L3MBTL3: variants seen among roughly 807,000 people sequenced by gnomAD.
L3MBTL3 encodes the protein L3MBTL histone methyl-lysine binding protein 3.
In L3MBTL3, 27 loss-of-function variants were observed where a neutral mutation model predicts 102.3. The ratio of observed to expected loss-of-function variants is 0.26; its 90% confidence interval spans 0.19 to 0.36. The LOEUF (loss-of-function observed/expected upper bound fraction) is 0.36. Ranked by LOEUF, L3MBTL3 falls within the 10% of genes least tolerant of loss-of-function variation. L3MBTL3 has a pLI of 1.00. For missense variants in L3MBTL3, 798 were observed against 955.3 expected (o/e 0.84, Z 2.17); for synonymous variants, 340 against 320.9 (o/e 1.06, Z -0.64).
In L3MBTL3 at chr6:130,083,706, G is replaced by T; in HGVS notation, c.1407+1G>T. ...TGCTCCTGCAAGAGCTTTCAAAGTG[G>T]TAAGATGATACATTTTATTAATTTG... On this transcript the variant is annotated splice_donor_variant, in intron 15 of 22. Coordinates refer to ENST00000361794, the MANE Select transcript of L3MBTL3 (RefSeq NM_032438.4). LOFTEE classifies it high-confidence loss of function. The T allele has an allele frequency of 6.8e-7, 1 of 1,471,116 alleles. No individual in the cohort carries two copies. The highest frequency in any genetic ancestry group is 9.3e-7 in the Non-Finnish European group (1 of 1,070,988). The allele number at this position is 1,471,116 out of a possible 1,614,324, so 91.1% of individuals were successfully genotyped here. A position where few individuals can be genotyped will look rare whatever the true frequency, so the allele number is the denominator to read the frequency against.
chr6:130,108,236 T>G (rs1008720100), intron 19 of L3MBTL3, among the ~76,000 whole-genome samples: 17 of 138,170 alleles, frequency 1.2e-4, no homozygotes, highest in African/African-American at 3.9e-4. Flanking sequence ...TTTTTGTTTT[T>G]TTTTTTTTTT....
Position 130,104,452 on chromosome 6 carries a change from T to C in L3MBTL3, c.1763T>C (p.Ile588Thr), listed in dbSNP as rs1161591355. The C allele has an allele frequency of 6.3e-7, 1 of 1,576,374 alleles. No homozygotes were observed. Among genetic ancestry groups the C allele is most frequent in the East Asian group, 2.3e-5 (1 of 42,966 alleles). The change falls in exon 19 of 23, where the codon ATC becomes ACC. Residue 588 changes from isoleucine to threonine, a missense_variant. Around this residue, in one of 4 missense-constraint regions of L3MBTL3, gnomAD observed 306 missense variants for 314.4 expected, o/e 0.97. Transcript: ENST00000361794. ...GCTGCCAACTGTCCCTATTCAGAAATCAATTTGAATAAAGACCGTATTTTT... is the reference window on the plus strand; with the variant it reads ...GCTGCCAACTGTCCCTATTCAGAAACCAATTTGAATAAAGACCGTATTTTT... ...HSAANCPYSE[I>T]NLNKDRIFPD... is the part of the protein sequence containing the mutation.
chr6:130,024,742 T>C (rs901808087), intron 2 of L3MBTL3, among the ~76,000 whole-genome samples: 1 of 152,162 alleles, frequency 6.6e-6, no homozygotes, highest in Non-Finnish European at 1.5e-5. Flanking sequence ...TCTTATGGTG[T>C]TGAACACTTA....
chr6:130,036,867 C>T (rs956861707), intron 2 of L3MBTL3, among the ~76,000 whole-genome samples: 9 of 152,042 alleles, frequency 5.9e-5, no homozygotes, highest in Non-Finnish European at 1.0e-4. Context: ...GCCAGATTTT[C>T]GGAGGAGAAC....
intron 2 of L3MBTL3, among the ~76,000 whole-genome samples, chr6:130,024,937 A>G (rs976162127): frequency 6.6e-6 from 1 of 152,192 alleles, no homozygotes; most frequent in African/African-American, 2.4e-5. Flanking sequence ...ATGCAGGACC[A>G]TGGCATATCA....
At chr6:130,136,227 A>G (rs1465082732) in intron 22 of L3MBTL3, among the ~76,000 whole-genome samples, 1 of 152,202 alleles carries the variant, frequency 6.6e-6, no homozygotes, top group African/African-American at 2.4e-5. Flanking sequence ...CTGCTGAAAC[A>G]TAAGTCAAAC....
chr6:130,058,860 C>T (rs948731133), intron 9 of L3MBTL3, among the ~76,000 whole-genome samples: 1 of 151,970 alleles, frequency 6.6e-6, no homozygotes, highest in African/African-American at 2.4e-5. Context: ...TATATTTAAT[C>T]GTGGTATGTA....
chr6:130,034,181 G>A (rs1483331108), intron 2 of L3MBTL3, among the ~76,000 whole-genome samples: 17 of 152,172 alleles, frequency 1.1e-4, no homozygotes, highest in Admixed American at 1.1e-3. Flanking sequence ...GAGCAAAGAA[G>A]TTGTAGGAAG....
intron 2 of L3MBTL3, among the ~76,000 whole-genome samples, chr6:130,023,877 CTT>C (rs1039164256): frequency 5.3e-5 from 8 of 152,068 alleles, no homozygotes; most frequent in African/African-American, 1.7e-4. Flanking sequence ...TATATCTTGT[CTT>C]GAGAAAAAAG....
Position 130,094,314 on chromosome 6 carries a change from G to C in L3MBTL3, c.1683G>C (p.Pro561=), listed in dbSNP as rs1034793972. The part of the protein sequence containing the change: ...EASEHGGCST[P]GCKGIGHFKR... Reference sequence around the variant, plus strand: ...CAGAACATGGTGGATGCTCAACCCCGGGATGTAAAGGGATTGGCCATTTCA... The same window carrying C: ...CAGAACATGGTGGATGCTCAACCCCCGGATGTAAAGGGATTGGCCATTTCA... Residue 561 remains proline, a synonymous_variant, in exon 18 of 23, where the codon CCG becomes CCC. Transcript: ENST00000361794. 5 of 1,613,786 alleles carry C rather than the reference G, an allele frequency of 3.1e-6. No individual in the cohort carries two copies. Among genetic ancestry groups the C allele is most frequent in the Admixed American group, 1.7e-5 (1 of 59,982 alleles).
chr6:130,019,627 ACACG>A (rs1778811643), intron 1 of L3MBTL3, among the ~76,000 whole-genome samples: 1 of 150,082 alleles, frequency 6.7e-6, no homozygotes, highest in African/African-American at 2.4e-5. Flanking sequence ...ACGCACACTC[ACACG>A]CACGCACACA....
intron 3 of L3MBTL3, among the ~76,000 whole-genome samples, chr6:130,047,192 A>G (rs950704197): frequency 6.6e-6 from 1 of 152,114 alleles, no homozygotes; most frequent in Non-Finnish European, 1.5e-5. Flanking sequence ...AATTTTGCAT[A>G]TATTTTATGG....
intron 19 of L3MBTL3, among the ~76,000 whole-genome samples, chr6:130,115,341 T>G (rs886781541): frequency 1.3e-5 from 2 of 152,210 alleles, no homozygotes; most frequent in African/African-American, 4.8e-5. Context: ...CTTCCTAACC[T>G]GGTTGGCAAA....
At chr6:130,021,499 G>C (rs749237004) in intron 1 of L3MBTL3, among the ~76,000 whole-genome samples, 7 of 152,208 alleles carry the variant, frequency 4.6e-5, no homozygotes, top group Admixed American at 3.9e-4. Flanking sequence ...CCCTGAATTG[G>C]AAACAATTGT....
rs115001488 is a variant in L3MBTL3 at position 130,041,463 on chromosome 6, T to C, written c.-15-1222T>C. ...TGGTTACTCTAACATACAGATCACA[T>C]TGGAAAGGCAGGATAAATCCATGTT... On this transcript the variant is annotated intron_variant, in intron 2 of 22. Transcript: ENST00000361794. Among the ~76,000 whole-genome samples, 832 of 152,352 alleles carry C rather than the reference T, an allele frequency of 5.5e-3. 6 individuals are homozygous for C. The highest frequency in any genetic ancestry group is 0.018 in the African/African-American group (733 of 41,584).
At chr6:130,060,371 C>T (rs1481666852) in intron 10 of L3MBTL3, among the ~76,000 whole-genome samples, 2 of 152,138 alleles carry the variant, frequency 1.3e-5, no homozygotes, top group African/African-American at 2.4e-5. Context: ...GGATACAAGA[C>T]CACACAGCTT....
intron 20 of L3MBTL3, among the ~76,000 whole-genome samples, chr6:130,125,819 TTACAA>T (rs1786561016): frequency 6.6e-6 from 1 of 152,096 alleles, no homozygotes; most frequent in East Asian, 1.9e-4. Flanking sequence ...CTAAGTTGCT[TTACAA>T]TGTCAAGAGG....
chr6:130,121,562 A>G (rs1330073441), intron 20 of L3MBTL3, among the ~76,000 whole-genome samples: 2 of 152,194 alleles, frequency 1.3e-5, no homozygotes, highest in Non-Finnish European at 2.9e-5. Context: ...ATATTGGTAC[A>G]ATATTGTACA....
chr6:130,104,339 C>A, intron 18 of L3MBTL3, 87 bp from the exon 19 acceptor site: 1 of 933,288 alleles, frequency 1.1e-6, no homozygotes, highest in Non-Finnish European at 1.5e-6. Context: ...ATTTTATATT[C>A]TGTATCCTGT....
Sources: gnomAD v4.1 joint callset for allele counts (sites outside exome capture counted in the v4.1 genomes callset) on GRCh38, gnomAD v4.1.1 for gene constraint, gnomAD v4.1.1 regional missense constraint, MANE v1.5 for transcripts, NCBI Gene and HGNC (gene_info 2026-07-23, HGNC 2026-07-21) for gene names.